COL6A3: variants seen among roughly 807,000 people sequenced by gnomAD.
COL6A3 encodes the protein collagen type VI alpha 3 chain.
Under a neutral mutation model 274.1 loss-of-function variants are expected in COL6A3, and 137 were observed. That is an observed-to-expected ratio of 0.50 (90% CI 0.44 to 0.58). The LOEUF (loss-of-function observed/expected upper bound fraction) is 0.58, where lower values mean the gene tolerates loss of function less well. COL6A3 is among the 20% of genes least tolerant of loss of function. The pLI is 0.00. For synonymous variants in COL6A3, 1,650 were observed against 1,650.6 expected (o/e 1.00, Z 0.01); for missense variants, 3,950 against 4,124.9 (o/e 0.96, Z 1.16).
At position 237,336,119 on chromosome 2, in the gene COL6A3, G is replaced by A; in HGVS notation, c.8965+16C>T. On this transcript the variant is annotated intron_variant, in intron 40 of 43. Transcript: ENST00000295550. Reference sequence around the variant, plus strand: ...AGGATGTCACAAGATGGCAGCCCTAGCAAGGGCTTTCTTACCCATGGGCTT... The same window carrying A: ...AGGATGTCACAAGATGGCAGCCCTAACAAGGGCTTTCTTACCCATGGGCTT... The A allele has an allele frequency of 1.2e-6, 2 of 1,613,114 alleles. No homozygotes were observed. The highest frequency in any genetic ancestry group is 2.2e-5 in the South Asian group (2 of 91,046).
Position 237,346,545 on chromosome 2 carries a change from C to G in COL6A3, c.7050G>C (p.Gly2350=). 1 of 1,613,974 alleles carries G rather than the reference C, an allele frequency of 6.2e-7. No individual in the cohort carries two copies. Among genetic ancestry groups the G allele is most frequent in the African/African-American group, 1.3e-5 (1 of 75,022 alleles). Residue 2350 remains glycine (G), a synonymous_variant, in exon 32 of 44, where the codon GGG becomes GGC. Coordinates refer to ENST00000295550, the MANE Select transcript of COL6A3 (RefSeq NM_004369.4). ...CAGGGTCTCCCTTCTGTCCAACTAT[C>G]CCTGGAGGTCCCGAATTTCCCTAGA... ...RGRRGNSGPP[G]IVGQKGDPGY... is the part of the protein sequence containing the mutation.
rs113689232 is a variant in COL6A3, at chr2:237,350,113, C to T, written c.6879+34G>A. 4.6e-4 allele frequency: 734 copies of T among 1,607,480 alleles called. No individual in the cohort carries two copies. Among genetic ancestry groups the T allele is most frequent in the Non-Finnish European group, 5.7e-4 (667 of 1,174,190 alleles). On this transcript the variant is annotated intron_variant, in intron 28 of 43. Transcript: ENST00000295550. ...CCTGCACCTTCCAGCAAAGAGTCAG[C>T]GACAGCCTGACCCCAAGCGCGCTGT... is the stretch of plus-strand genomic sequence containing the variant.
intron 8 of COL6A3, among the ~76,000 whole-genome samples, chr2:237,373,058 A>T (rs149091111): frequency 2.0e-5 from 3 of 152,144 alleles, no homozygotes; most frequent in African/African-American, 7.2e-5. Flanking sequence ...GAGAAATAGG[A>T]CTCAAGATTA....
intron 5 of COL6A3, among the ~76,000 whole-genome samples, chr2:237,380,686 T>C (rs2077978840): frequency 6.6e-6 from 1 of 152,246 alleles, no homozygotes; most frequent in South Asian, 2.1e-4. Flanking sequence ...CCCATGGTCC[T>C]GTGGTTTAAA....
chr2:237,354,983 G>C, intron 23 of COL6A3, 49 bp from the exon 24 acceptor site: 1 of 1,553,292 alleles, frequency 6.4e-7, no homozygotes, highest in Non-Finnish European at 8.9e-7. Context: ...ATGGGACGCT[G>C]GGCATGGGGC....
intron 1 of COL6A3, among the ~76,000 whole-genome samples, chr2:237,406,395 C>T (rs1574778850): frequency 6.6e-6 from 1 of 152,272 alleles, no homozygotes; most frequent in East Asian, 1.9e-4. Flanking sequence ...TCTCCAAGCA[C>T]TGCTTTTTAA....
In COL6A3 at chr2:237,396,712, G is replaced by T. The variant is rs117521066; in HGVS notation, c.91+15C>A. 4 of 1,613,176 alleles carry T rather than the reference G, an allele frequency of 2.5e-6. No homozygotes were observed. In the East Asian group the frequency reaches 6.7e-5, roughly 27 times the overall value. On this transcript the variant is annotated intron_variant, in intron 2 of 43. Coordinates refer to ENST00000295550, the MANE Select transcript of COL6A3 (RefSeq NM_004369.4). ...TATTCCTTTTTACAAAATCAAGGAC[G>T]TTTCTGGCTCTTACCTGCTTGCTGC...
At chr2:237,358,737 C>A (rs2077372124) in intron 20 of COL6A3, among the ~76,000 whole-genome samples, 154 bp from the exon 21 acceptor site, 1 of 152,222 alleles carries the variant, frequency 6.6e-6, no homozygotes, top group Non-Finnish European at 1.5e-5. Flanking sequence ...ACATATTTTT[C>A]ATTCGTTTAG....
chr2:237,370,467 G>A (rs2077660550), intron 9 of COL6A3, among the ~76,000 whole-genome samples: 1 of 151,992 alleles, frequency 6.6e-6, no homozygotes, highest in Non-Finnish European at 1.5e-5. Context: ...TCGAACTCCT[G>A]GCCTCATGAT....
Position 237,361,891 on chromosome 2 carries a change from T to A in COL6A3, c.6064-60A>T. The A allele has an allele frequency of 6.8e-7, 1 of 1,466,000 alleles. No individual in the cohort carries two copies. 90.8% of individuals were successfully genotyped at this position (1,466,000 alleles called of 1,614,324 possible). ...TCAAGAAATGCCCAGCAGAAAATCA[T>A]AAATGCGCTTTAAGGGTCAAAATCG... is the stretch of plus-strand genomic sequence containing the variant. On this transcript the variant is annotated intron_variant, in intron 14 of 43. Transcript: ENST00000295550. This position sits in a 1 kb window ranked among gnomAD's most constrained non-coding sequence, Gnocchi z 5.1.
rs1252834881 is a variant in COL6A3, at chr2:237,324,613, G to A, written c.*161C>T. On this transcript the variant is annotated 3_prime_UTR_variant, in exon 44 of 44. Transcript: ENST00000295550. ...TCCACAGACACATTAGCACCATACT[G>A]ATAGGTCATGCAGCAGGATGTTCCC... is the stretch of plus-strand genomic sequence containing the variant. 7.2e-6 allele frequency: 5 copies of A among 692,712 alleles called. No homozygotes were observed. Among genetic ancestry groups the A allele is most frequent in the African/African-American group, 5.3e-5 (3 of 57,138 alleles). 42.9% of individuals were successfully genotyped at this position (692,712 alleles called of 1,614,324 possible).
chr2:237,355,032 T>A (rs2077289217), intron 23 of COL6A3, 98 bp from the exon 24 acceptor site: 2 of 1,144,062 alleles, frequency 1.7e-6, no homozygotes, highest in African/African-American at 3.1e-5. Context: ...ATTCTGCGGT[T>A]ACTCAGGGGA....
chr2:237,403,279 G>A (rs888748272), intron 1 of COL6A3, among the ~76,000 whole-genome samples: 6 of 152,226 alleles, frequency 3.9e-5, no homozygotes, highest in African/African-American at 9.6e-5. Context: ...GGCCTGACCC[G>A]CCAAAAATTG....
At chr2:237,358,684 T>C (rs2077371080) in intron 20 of COL6A3, 101 bp from the exon 21 acceptor site, 1 of 1,104,560 alleles carries the variant, frequency 9.1e-7, no homozygotes, top group African/African-American at 1.5e-5. Flanking sequence ...ACTAGAACAA[T>C]GTTTACAATT....
In COL6A3 at chr2:237,346,526, C is replaced by T; in HGVS notation, c.7069G>A (p.Asp2357Asn). 1 of 1,614,046 alleles carries T rather than the reference C, an allele frequency of 6.2e-7. No individual in the cohort carries two copies. The change falls in exon 32 of 44, where the codon GAC becomes AAC. Residue 2357 changes from aspartate (D) to asparagine (N), a missense_variant. Physicochemically the swap from Asp to Asn is conservative, Grantham distance 23. This residue lies in a region of COL6A3 where 1,284 missense variants were observed against 1,349.7 expected (regional missense o/e 0.95). Coordinates refer to ENST00000295550, the MANE Select transcript of COL6A3 (RefSeq NM_004369.4). ...ACAGCTGGTCCTGGGTAGCCAGGGTCTCCCTTCTGTCCAACTATCCCTGGA... is the reference window on the plus strand; with the variant it reads ...ACAGCTGGTCCTGGGTAGCCAGGGTTTCCCTTCTGTCCAACTATCCCTGGA... ...GPPGIVGQKG[D>N]PGYPGPAGPK...
chr2:237,332,957 C>A, intron 42 of COL6A3: 1 of 215,232 alleles, frequency 4.6e-6, no homozygotes. Flanking sequence ...GAGACAGTAT[C>A]ACAGACTCAC....
rs1200530107 is a variant in COL6A3, at chr2:237,407,832, C to A, written c.-31+6121G>T. On this transcript the variant is annotated intron_variant, in intron 1 of 43. Transcript: ENST00000295550. The surrounding 1 kb of genome is among the most constrained non-coding windows in gnomAD (Gnocchi z 4.3). ...TATACTGCTAATTATAAACATCAGG[C>A]AGAGACTAGTTCCATTTCAACATTA... Among the ~76,000 whole-genome samples the A allele has an allele frequency of 1.3e-5, 2 of 152,206 alleles. No homozygotes were observed. Among genetic ancestry groups the A allele is most frequent in the East Asian group, 3.9e-4 (2 of 5,194 alleles).
intron 1 of COL6A3, among the ~76,000 whole-genome samples, chr2:237,398,101 CA>C (rs2078495807): frequency 6.6e-6 from 1 of 152,242 alleles, no homozygotes; most frequent in African/African-American, 2.4e-5. Context: ...AAATGCAACC[CA>C]ACCACAGCAG....
In COL6A3 at chr2:237,366,879, CCCTCTGGGTGAG is replaced by C. The variant is rs2077567099; in HGVS notation, c.5296_5307del (p.Leu1766_Arg1769del). On this transcript the variant is annotated inframe_deletion, in exon 11 of 44. Coordinates refer to ENST00000295550, the MANE Select transcript of COL6A3 (RefSeq NM_004369.4). ...ACTCCAACAGCAAACACTTTGACCC[CCCTCTGGGTGAG>C]GGCCAGGCTCACATCCTGTGCATCT... 1.9e-6 allele frequency: 3 copies of C among 1,614,256 alleles called. No individual in the cohort carries two copies. The East Asian group carries it at 6.7e-5, about 36-fold the overall frequency.
Sources: gnomAD v4.1 joint callset for allele counts (sites outside exome capture counted in the v4.1 genomes callset) on GRCh38, gnomAD v4.1.1 for gene constraint, gnomAD v4.1.1 regional missense constraint, Gnocchi (gnomAD v3.1) non-coding constraint, MANE v1.5 for transcripts, NCBI Gene and HGNC (gene_info 2026-07-23, HGNC 2026-07-21) for gene names.